KCNQ4: variants seen among roughly 807,000 people sequenced by gnomAD.
KCNQ4 encodes potassium voltage-gated channel subfamily Q member 4, also known as potassium voltage-gated channel subfamily KQT member 4.
Under a neutral mutation model 72.6 loss-of-function variants are expected in KCNQ4, and 31 were observed. The ratio of observed to expected loss-of-function variants is 0.43; its 90% CI spans 0.32 to 0.58. KCNQ4 has a LOEUF of 0.58. KCNQ4 is among the 20% of genes least tolerant of loss of function. The pLI is 0.08. For missense variants in KCNQ4, 869 were observed against 962.6 expected (o/e 0.90, Z 1.29); for synonymous variants, 405 against 403.7 (o/e 1.00, Z -0.04).
intron 1 of KCNQ4, among the ~76,000 whole-genome samples, chr1:40,797,383 A>T (rs896532996): frequency 6.6e-5 from 10 of 152,218 alleles, no homozygotes; most frequent in African/African-American, 2.2e-4. Flanking sequence ...ACAGGCAGAG[A>T]CCCAGAAGTG....
At position 40,831,095 on chromosome 1, in the gene KCNQ4, G is replaced by C; in HGVS notation, c.1304G>C (p.Gly435Ala). 6.3e-7 allele frequency: 1 copy of C among 1,593,968 alleles called. No homozygotes were observed. The highest frequency in any genetic ancestry group is 8.5e-7 in the Non-Finnish European group (1 of 1,170,116). ...GCCTGCCCTGCCAGCAGCCGGATGG[G>C]CATCAAAGACCGCATCCGCATGGGC... ...SFCPGESSRM[G>A]IKDRIRMGSS... Residue 435 changes from glycine to alanine, a missense_variant, in exon 10 of 14, where the codon GGC (glycine) becomes GCC (alanine). Transcript: ENST00000347132.
chr1:40,838,107 A>T (rs1648860967), intron 13 of KCNQ4, among the ~76,000 whole-genome samples: 1 of 151,262 alleles, frequency 6.6e-6, no homozygotes. Context: ...CATCGGTCAC[A>T]CCTAACCACC....
At chr1:40,819,840 G>T (rs774926842) in intron 5 of KCNQ4, 35 bp from the exon 6 acceptor site, 1 of 1,543,592 alleles carries the variant, frequency 6.5e-7, no homozygotes, top group East Asian at 2.3e-5. Context: ...TGGCCCCCGT[G>T]ACCAGTCCTG....
intron 9 of KCNQ4, among the ~76,000 whole-genome samples, chr1:40,829,028 A>G (rs1570844271): frequency 1.3e-5 from 2 of 152,312 alleles, no homozygotes; most frequent in East Asian, 3.9e-4. Flanking sequence ...CTTCCTCCAT[A>G]AGTCCTGCTG....
chr1:40,823,722 C>G (rs1482964866), intron 8 of KCNQ4, among the ~76,000 whole-genome samples: 1 of 152,224 alleles, frequency 6.6e-6, no homozygotes, highest in South Asian at 2.1e-4. Context: ...CCGCCCTCCT[C>G]ACCTCCATCT....
At position 40,819,997 on chromosome 1, in the gene KCNQ4, C is replaced by G; in HGVS notation, c.945+12C>G. On this transcript the variant is annotated intron_variant, in intron 6 of 13. Coordinates refer to ENST00000347132, the MANE Select transcript of KCNQ4 (RefSeq NM_004700.4). ...TTGCCCTGCCTGCCGTGAGTTGCCT[C>G]CTGCTCAGTTGGTGGGGGAGGCTGA... 6.2e-7 allele frequency: 1 copy of G among 1,609,614 alleles called. No individual in the cohort carries two copies. The highest frequency in any genetic ancestry group is 8.5e-7 in the Non-Finnish European group (1 of 1,175,896).
chr1:40,831,690 T>G (rs76343704), intron 10 of KCNQ4, among the ~76,000 whole-genome samples: 5,974 of 152,304 alleles, frequency 0.039, 146 homozygotes, highest in African/African-American at 0.054. Flanking sequence ...TTGTGAGGAT[T>G]AAATGAGATA....
chr1:40,810,871 C>G (rs771274596), intron 1 of KCNQ4, among the ~76,000 whole-genome samples: 1 of 152,188 alleles, frequency 6.6e-6, no homozygotes, highest in Non-Finnish European at 1.5e-5. Context: ...TAGTAGGGCC[C>G]GGTGGTCCAG....
At chr1:40,785,935 G>A (rs1000560137) in intron 1 of KCNQ4, among the ~76,000 whole-genome samples, 1 of 152,156 alleles carries the variant, frequency 6.6e-6, no homozygotes, top group East Asian at 1.9e-4. Context: ...CTAGGCTGGG[G>A]CAGAGAGTTG....
chr1:40,803,546 A>G (rs1428219442), intron 1 of KCNQ4, among the ~76,000 whole-genome samples: 4 of 152,224 alleles, frequency 2.6e-5, no homozygotes, highest in Non-Finnish European at 5.9e-5. Context: ...AGGCGGAGGA[A>G]ACTAAGAAGA....
In KCNQ4 at chr1:40,788,380, C is replaced by T. The variant is rs1341579637; in HGVS notation, c.314+3973C>T. 1.3e-5 allele frequency among the ~76,000 whole-genome samples: 2 copies of T among 152,164 alleles called. No homozygotes were observed. The highest frequency in any genetic ancestry group is 2.1e-4 in the South Asian group (1 of 4,830). On this transcript the variant is annotated intron_variant, in intron 1 of 13. Coordinates refer to ENST00000347132, the MANE Select transcript of KCNQ4 (RefSeq NM_004700.4). This position sits in a 1 kb window ranked among gnomAD's most constrained non-coding sequence, Gnocchi z 4.5. ...TCCTGCTTCCTTGTCCAGGACTGTT[C>T]GCTCCGTTCCTAGTGGCCACCGGGC...
Position 40,783,944 on chromosome 1 carries a change from GC to G in KCNQ4, c.-146del. The G allele has an allele frequency of 6.8e-6, 1 of 146,506 alleles. No homozygotes were observed. The highest frequency in any genetic ancestry group is 1.5e-5 in the Non-Finnish European group (1 of 65,602). The allele number at this position is 146,506 out of a possible 1,614,324, so 9.1% of individuals were successfully genotyped here. A position where few individuals can be genotyped will look rare whatever the true frequency, so the allele number is the denominator to read the frequency against. ...CCCAGGCTCCGAGCGCCCGCCCGCGGCCCCGGCCCGGCCCCTAGCCCCCGCC... is the reference window on the plus strand; with the variant it reads ...CCCAGGCTCCGAGCGCCCGCCCGCGGCCCGGCCCGGCCCCTAGCCCCCGCC... On this transcript the variant is annotated 5_prime_UTR_variant, in exon 1 of 14. It introduces an in-frame stop codon into an upstream open reading frame of the 5' UTR. Coordinates refer to ENST00000347132, the MANE Select transcript of KCNQ4 (RefSeq NM_004700.4). This position sits in a 1 kb window ranked among gnomAD's most constrained non-coding sequence, Gnocchi z 4.4.
intron 1 of KCNQ4, among the ~76,000 whole-genome samples, chr1:40,797,844 T>C (rs529334453): frequency 2.6e-5 from 4 of 151,388 alleles, no homozygotes; most frequent in Non-Finnish European, 5.9e-5. Flanking sequence ...TGGGGGGAGA[T>C]GTGTGTGGTT....
intron 1 of KCNQ4, among the ~76,000 whole-genome samples, chr1:40,789,383 A>T (rs1647238615): frequency 6.6e-6 from 1 of 152,218 alleles, no homozygotes; most frequent in Non-Finnish European, 1.5e-5. Flanking sequence ...AACCTAGCCA[A>T]CAGGGGAGAT....
intron 1 of KCNQ4, among the ~76,000 whole-genome samples, chr1:40,797,887 T>G (rs1402027798): frequency 6.6e-6 from 1 of 151,940 alleles, no homozygotes; most frequent in Non-Finnish European, 1.5e-5. Flanking sequence ...GGGGGTGGCC[T>G]TGGAAGCAGA....
At chr1:40,789,534 CT>C (rs1392198844) in intron 1 of KCNQ4, among the ~76,000 whole-genome samples, 1 of 152,104 alleles carries the variant, frequency 6.6e-6, no homozygotes, top group East Asian at 1.9e-4. Flanking sequence ...CTTATACTGC[CT>C]TCCTCCTCCT....
chr1:40,827,502 G>T (rs1648516354), intron 9 of KCNQ4, among the ~76,000 whole-genome samples: 1 of 152,158 alleles, frequency 6.6e-6, no homozygotes, highest in Non-Finnish European at 1.5e-5. Flanking sequence ...GCGAAGGTTG[G>T]GGGCAGAGCT....
At chr1:40,800,389 T>C (rs1647538494) in intron 1 of KCNQ4, among the ~76,000 whole-genome samples, 1 of 152,202 alleles carries the variant, frequency 6.6e-6, no homozygotes, top group South Asian at 2.1e-4. Context: ...TGAAGGTATA[T>C]GTGTCAGGAA....
intron 1 of KCNQ4, among the ~76,000 whole-genome samples, chr1:40,814,862 G>A (rs962340585): frequency 1.3e-5 from 2 of 151,596 alleles, no homozygotes; most frequent in Non-Finnish European, 2.9e-5. Flanking sequence ...TCACATTGCC[G>A]TTAAGGTTTT....
Sources: gnomAD v4.1 joint callset for allele counts (sites outside exome capture counted in the v4.1 genomes callset) on GRCh38, gnomAD v4.1.1 for gene constraint, Gnocchi (gnomAD v3.1) non-coding constraint, MANE v1.5 for transcripts, NCBI Gene and HGNC (gene_info 2026-07-23, HGNC 2026-07-21) for gene names.